Variants in DRC9 observed in about 807,000 individuals in gnomAD.
DRC9 encodes the protein dynein regulatory complex subunit 9, also known as dynein regulatory complex protein 9.
At chr3:197,912,303 G>A in the DRC9 span, among the ~76,000 whole-genome samples, 1 of 152,168 alleles carries the variant, frequency 6.6e-6, no homozygotes, top group East Asian at 1.9e-4. Context: ...GCCTCCCAAA[G>A]TGCTGGGATG....
chr3:197,898,063 G>A, the DRC9 span, among the ~76,000 whole-genome samples: 1 of 151,578 alleles, frequency 6.6e-6, no homozygotes, highest in Non-Finnish European at 1.5e-5. Context: ...TCACAGGCAT[G>A]AGCCACTGTG....
the DRC9 span, among the ~76,000 whole-genome samples, chr3:197,931,413 C>A: frequency 6.6e-6 from 1 of 151,756 alleles, no homozygotes; most frequent in Non-Finnish European, 1.5e-5. Context: ...ACCTGGGAAG[C>A]GGAAGTTGCA....
At chr3:197,896,240 G>C in the DRC9 span, among the ~76,000 whole-genome samples, 2 of 151,804 alleles carry the variant, frequency 1.3e-5, no homozygotes, top group Non-Finnish European at 2.9e-5. Flanking sequence ...CTACTTTGGA[G>C]GCTGAGGCAG....
At chr3:197,895,407 C>T in the DRC9 span, among the ~76,000 whole-genome samples, 26 of 152,276 alleles carry the variant, frequency 1.7e-4, no homozygotes, top group Middle Eastern at 6.8e-3. Flanking sequence ...GCAGCTGGGA[C>T]TACAGGTGTG....
chr3:197,898,853 C>T, the DRC9 span, among the ~76,000 whole-genome samples: 1 of 152,106 alleles, frequency 6.6e-6, no homozygotes, highest in Non-Finnish European at 1.5e-5. Context: ...AGAACCAAAC[C>T]ATATCAGATG....
At chr3:197,943,936 C>G in the DRC9 span, 2 of 1,614,158 alleles carry the variant, frequency 1.2e-6, no homozygotes, top group Non-Finnish European at 1.7e-6. Context: ...ATTTCTATGT[C>G]TGTTTCTTTA....
chr3:197,914,567 G>A, the DRC9 span, among the ~76,000 whole-genome samples: 2 of 152,192 alleles, frequency 1.3e-5, no homozygotes, highest in Non-Finnish European at 2.9e-5. Context: ...GGACTCAATA[G>A]TCATTAAGAA....
chr3:197,932,763 A>G, the DRC9 span, among the ~76,000 whole-genome samples: 98 of 146,808 alleles, frequency 6.7e-4, no homozygotes, highest in South Asian at 0.02. Flanking sequence ...GGAGTTTGAG[A>G]TCAGCTGGGA....
chr3:197,957,952 G>C, the DRC9 span: 1 of 152,226 alleles, frequency 6.6e-6, no homozygotes, highest in East Asian at 1.9e-4. Flanking sequence ...TGGCTGACTG[G>C]AAAGTCCAGA....
chr3:197,944,889 A>G, the DRC9 span, among the ~76,000 whole-genome samples: 1 of 152,192 alleles, frequency 6.6e-6, no homozygotes, highest in East Asian at 1.9e-4. Flanking sequence ...CCTACTGTTT[A>G]ATAAAGGTAT....
chr3:197,921,502 T>G, the DRC9 span, among the ~76,000 whole-genome samples: 26 of 113,270 alleles, frequency 2.3e-4, no homozygotes, highest in African/African-American at 5.3e-4. Context: ...ACTTGGTTTC[T>G]TCTTGGTCGA....
chr3:197,937,351 A>G, the DRC9 span, among the ~76,000 whole-genome samples: 4 of 152,230 alleles, frequency 2.6e-5, no homozygotes, highest in African/African-American at 9.6e-5. Context: ...ATAGCTATAT[A>G]GTAGCTATTA....
the DRC9 span, among the ~76,000 whole-genome samples, chr3:197,917,635 G>A: frequency 1.3e-5 from 2 of 151,986 alleles, no homozygotes; most frequent in Non-Finnish European, 2.9e-5. Flanking sequence ...AAATGTTGAT[G>A]AAATGAATTT....
the DRC9 span, among the ~76,000 whole-genome samples, chr3:197,933,514 A>G: frequency 1.3e-5 from 2 of 152,154 alleles, no homozygotes; most frequent in Non-Finnish European, 2.9e-5. Context: ...AAATGATTTA[A>G]CTTTTTCAAA....
At chr3:197,935,445 AAAAAAAAG>A in the DRC9 span, among the ~76,000 whole-genome samples, 37,029 of 150,586 alleles carry the variant, frequency 0.25, 5,775 homozygotes, top group African/African-American at 0.45. Flanking sequence ...TCTCCAAAAA[AAAAAAAAG>A]AAAAGAAAAG....
chr3:197,919,482 G>A, the DRC9 span, among the ~76,000 whole-genome samples: 1 of 152,140 alleles, frequency 6.6e-6, no homozygotes, highest in Non-Finnish European at 1.5e-5. Flanking sequence ...CCATGGTGTC[G>A]GGAACCTTCC....
chr3:197,917,190 G>T, the DRC9 span, among the ~76,000 whole-genome samples: 2 of 152,170 alleles, frequency 1.3e-5, no homozygotes, highest in East Asian at 1.9e-4. Context: ...GGTGGCATGC[G>T]CCTGTAGTCC....
chr3:197,943,819 T>A, the DRC9 span: 2 of 1,614,114 alleles, frequency 1.2e-6, no homozygotes, highest in South Asian at 2.2e-5. Flanking sequence ...ACGGGCATGA[T>A]GTAGTTCAGA....
the DRC9 span, chr3:197,889,820 G>A: frequency 1.5e-6 from 2 of 1,335,584 alleles, no homozygotes; most frequent in African/African-American, 2.9e-5. Context: ...CTGACAAACA[G>A]TCTCTCTCCA....
Sources: gnomAD v4.1 joint callset for allele counts (sites outside exome capture counted in the v4.1 genomes callset) on GRCh38, gnomAD v4.1.1 for gene constraint, MANE v1.5 for transcripts, NCBI Gene and HGNC (gene_info 2026-07-23, HGNC 2026-07-21) for gene names.